Variants in GALNT10 observed in about 807,000 individuals in gnomAD.
GALNT10 encodes the protein GalNAc transferase 10.
Under a neutral mutation model 75.0 loss-of-function variants are expected in GALNT10, and 41 were observed. The ratio of observed to expected loss-of-function variants is 0.55; its 90% CI spans 0.43 to 0.71. The LOEUF (loss-of-function observed/expected upper bound fraction) is 0.71. Ranked by LOEUF, GALNT10 falls within the 30% of genes least tolerant of loss-of-function variation. The probability of loss-of-function intolerance (pLI) is 0.00; values close to 1 mark genes in which losing one functional copy is unlikely to be tolerated. For missense variants in GALNT10, 727 were observed against 818.5 expected, an observed-to-expected ratio of 0.89 and a Z score of 1.36; for synonymous variants, 302 against 313.0, an observed-to-expected ratio of 0.96 and a Z score of 0.37.
chr5:154,388,401 A>G (rs1755839146), intron 7 of GALNT10: 1 of 152,254 alleles, frequency 6.6e-6, no homozygotes, highest in Admixed American at 6.5e-5. Context: ...TCCTGATCAT[A>G]GCTAACAGGA....
intron 1 of GALNT10, among the ~76,000 whole-genome samples, chr5:154,284,114 A>G (rs1754080673): frequency 6.6e-6 from 1 of 152,246 alleles, no homozygotes; most frequent in Non-Finnish European, 1.5e-5. Context: ...TAGCATTGCT[A>G]GTGCTTTCTA....
At chr5:154,201,216 G>A (rs1775023652) in intron 1 of GALNT10, among the ~76,000 whole-genome samples, 1 of 151,970 alleles carries the variant, frequency 6.6e-6, no homozygotes, top group Non-Finnish European at 1.5e-5. Context: ...TTTATGATAT[G>A]CAAATTCCCA....
intron 4 of GALNT10, among the ~76,000 whole-genome samples, chr5:154,348,445 T>A (rs939072644): frequency 2.6e-5 from 4 of 152,378 alleles, no homozygotes; most frequent in Non-Finnish European, 5.9e-5. Context: ...CCTGCTTCTC[T>A]ATGGAGAGGT....
At chr5:154,307,536 C>T (rs1184091057) in intron 3 of GALNT10, among the ~76,000 whole-genome samples, 3 of 151,052 alleles carry the variant, frequency 2.0e-5, no homozygotes, top group Non-Finnish European at 4.4e-5. Context: ...AGGAGAATGG[C>T]GTGAACCCAG....
intron 5 of GALNT10, among the ~76,000 whole-genome samples, chr5:154,379,075 A>G (rs1335343006): frequency 6.6e-6 from 1 of 152,200 alleles, no homozygotes; most frequent in Non-Finnish European, 1.5e-5. Context: ...CCCCAGGTGC[A>G]TCTGGCACTG....
chr5:154,274,718 C>G (rs571897458), intron 1 of GALNT10, among the ~76,000 whole-genome samples: 2 of 152,342 alleles, frequency 1.3e-5, no homozygotes, highest in East Asian at 1.9e-4. Flanking sequence ...TAGATAAAAT[C>G]TAGCCTGCAA....
At chr5:154,250,007 A>C (rs1424688643) in intron 1 of GALNT10, among the ~76,000 whole-genome samples, 1 of 152,218 alleles carries the variant, frequency 6.6e-6, no homozygotes, top group African/African-American at 2.4e-5. Flanking sequence ...TGGAGATTAC[A>C]TGGAAATCAA....
intron 1 of GALNT10, among the ~76,000 whole-genome samples, chr5:154,273,282 C>T (rs1753898163): frequency 1.3e-5 from 2 of 152,146 alleles, no homozygotes; most frequent in Admixed American, 1.3e-4. Flanking sequence ...CTGGCTTGAA[C>T]ACTGGCCGGC....
At chr5:154,387,752 A>G (rs976555343) in intron 7 of GALNT10, 1 of 151,824 alleles carries the variant, frequency 6.6e-6, no homozygotes, top group Admixed American at 6.6e-5. Flanking sequence ...TATTATCAAT[A>G]CATTAATATT....
intron 4 of GALNT10, among the ~76,000 whole-genome samples, chr5:154,334,644 G>A (rs375837916): frequency 2.6e-5 from 4 of 152,196 alleles, no homozygotes; most frequent in African/African-American, 2.4e-5. Context: ...GAGGCTGCCC[G>A]GAATGATGAG....
chr5:154,327,157 A>G (rs1754767196), intron 3 of GALNT10, among the ~76,000 whole-genome samples: 1 of 152,104 alleles, frequency 6.6e-6, no homozygotes, highest in African/African-American at 2.4e-5. Context: ...TGGAGGTTGC[A>G]TTGAGCCGAG....
chr5:154,302,304 G>A (rs951095530), intron 3 of GALNT10, among the ~76,000 whole-genome samples: 1 of 152,264 alleles, frequency 6.6e-6, no homozygotes, highest in African/African-American at 2.4e-5. Context: ...TGGGGACTGC[G>A]TAGCCAGAGA....
At chr5:154,289,871 A>C (rs1017704396) in intron 1 of GALNT10, among the ~76,000 whole-genome samples, 12 of 152,152 alleles carry the variant, frequency 7.9e-5, no homozygotes, top group Non-Finnish European at 1.0e-4. Flanking sequence ...TGTGCTGTCA[A>C]ACCTGAATCC....
chr5:154,253,282 T>C, intron 1 of GALNT10, among the ~76,000 whole-genome samples: 1 of 150,658 alleles, frequency 6.6e-6, no homozygotes, highest in Non-Finnish European at 1.5e-5. Context: ...CTCAGCAAAT[T>C]ATCGCGAGGA....
At chr5:154,414,316 T>C (rs1403775134) in intron 10 of GALNT10, among the ~76,000 whole-genome samples, 2 of 152,212 alleles carry the variant, frequency 1.3e-5, no homozygotes, top group African/African-American at 4.8e-5. Flanking sequence ...CTAATGTTCA[T>C]AGCAGGTTTA....
In GALNT10 at chr5:154,409,762, G is replaced by A. The variant is rs749942538; in HGVS notation, c.1386G>A (p.Glu462=). The change falls in exon 9 of 12, where the codon GAG becomes GAA. Residue 462 remains glutamate (E), a splice_region_variant and synonymous_variant. Transcript: ENST00000297107. The surrounding 1 kb of genome is among the most constrained non-coding windows in gnomAD (Gnocchi z 4.5). The part of the protein sequence containing the change: ...PVEPPAAAWG[E]IRNVGTGLCA... ...AGCCCCCGGCTGCAGCTTGGGGGGA[G>A]GTGAGTCTGGAGGGCAGGGCTGGCT... 3 of 1,604,870 alleles carry A rather than the reference G, an allele frequency of 1.9e-6. No individual in the cohort carries two copies. The highest frequency in any genetic ancestry group is 2.2e-5 in the East Asian group (1 of 44,852).
At position 154,409,494 on chromosome 5, in the gene GALNT10, T is replaced by C. The variant is rs370307935; in HGVS notation, c.1165-47T>C. 3.9e-6 allele frequency: 5 copies of C among 1,288,070 alleles called. No homozygotes were observed. Among genetic ancestry groups the C allele is most frequent in the Non-Finnish European group, 5.7e-6 (5 of 881,952 alleles). The allele number at this position is 1,288,070 out of a possible 1,614,324, so 79.8% of individuals were successfully genotyped here. The stretch of plus-strand genomic sequence containing the variant: ...ACCCTTTTCACCCCACTGCCTGGCT[T>C]TGGCTTCTTGGAAAGACTGACCCCT... On this transcript the variant is annotated intron_variant, in intron 8 of 11. Transcript: ENST00000297107. This position sits in a 1 kb window ranked among gnomAD's most constrained non-coding sequence, Gnocchi z 4.5.
At chr5:154,215,014 T>C (rs1310051613) in intron 1 of GALNT10, among the ~76,000 whole-genome samples, 1 of 152,242 alleles carries the variant, frequency 6.6e-6, no homozygotes, top group Non-Finnish European at 1.5e-5. Context: ...CATTATACTA[T>C]TGTTGGTACT....
intron 1 of GALNT10, among the ~76,000 whole-genome samples, chr5:154,200,621 A>G (rs6876928): frequency 0.18 from 26,862 of 152,152 alleles, 2,602 homozygotes; most frequent in African/African-American, 0.26. Flanking sequence ...TAAATTTGGT[A>G]CCTAACTTCA....
Sources: allele counts gnomAD v4.1 joint callset (sites outside exome capture counted in the v4.1 genomes callset), GRCh38; gene constraint gnomAD v4.1.1; non-coding constraint Gnocchi (gnomAD v3.1); transcripts MANE v1.5; gene names NCBI Gene and HGNC (gene_info 2026-07-23, HGNC 2026-07-21).